The following LAMA2 variants were observed in gnomAD, a reference collection of about 807,000 sequenced individuals.
The protein encoded by LAMA2 is laminin subunit alpha 2.
A neutral mutation model predicts 364.8 loss-of-function variants in LAMA2; 269 were observed. The ratio of observed to expected loss-of-function variants is 0.74; its 90% confidence interval spans 0.67 to 0.82. LAMA2 has a LOEUF of 0.82. LAMA2 is among the 40% of genes least tolerant of loss of function. LAMA2 has a pLI of 0.00. For missense variants in LAMA2, 3,807 were observed against 3,873.2 expected (o/e 0.98, Z 0.45); for synonymous variants, 1,379 against 1,370.6 (o/e 1.01, Z -0.14).
intron 2 of LAMA2, among the ~76,000 whole-genome samples, chr6:129,052,987 A>G (rs1028829096): frequency 6.6e-6 from 1 of 152,202 alleles, no homozygotes; most frequent in Admixed American, 6.5e-5. Context: ...ATCACAGAAT[A>G]TCAGAAAACA....
At position 129,297,724 on chromosome 6, in the gene LAMA2, C is replaced by G; in HGVS notation, c.2896C>G (p.Pro966Ala). The G allele has an allele frequency of 6.2e-7, 1 of 1,614,080 alleles. No individual in the cohort carries two copies. Among genetic ancestry groups the G allele is most frequent in the Non-Finnish European group, 8.5e-7 (1 of 1,179,974 alleles). The stretch of plus-strand genomic sequence containing the variant: ...CCTACAATCAGCAAGGGGCTGTGTT[C>G]CCTGCAACTGCAATTCTTTTGGGTC... The part of the protein sequence containing the change: ...FGLQSARGCV[P>A]CNCNSFGSKS... Residue 966 changes from proline (P) to alanine (A), a missense_variant, in exon 21 of 65, where the codon CCC (proline) becomes GCC (alanine). Coordinates refer to ENST00000421865, the MANE Select transcript of LAMA2 (RefSeq NM_000426.4).
chr6:129,508,578 G>C (rs1786303984), intron 62 of LAMA2, among the ~76,000 whole-genome samples: 1 of 152,010 alleles, frequency 6.6e-6, no homozygotes, highest in Non-Finnish European at 1.5e-5. Context: ...GAGTTGAATT[G>C]CTTTAATTTT....
chr6:129,199,464 A>G (rs886515546), intron 12 of LAMA2, among the ~76,000 whole-genome samples: 21 of 152,286 alleles, frequency 1.4e-4, no homozygotes, highest in African/African-American at 4.8e-4. Flanking sequence ...AACGACTCCC[A>G]CTTAACATTG....
At chr6:129,070,491 A>G (rs1217531946) in intron 3 of LAMA2, among the ~76,000 whole-genome samples, 11 of 152,122 alleles carry the variant, frequency 7.2e-5, no homozygotes, top group Admixed American at 3.9e-4. Context: ...TAATATTTCT[A>G]TGGAGAAAGC....
intron 17 of LAMA2, among the ~76,000 whole-genome samples, chr6:129,274,709 G>T (rs1374184997): frequency 6.6e-6 from 1 of 151,812 alleles, no homozygotes; most frequent in East Asian, 1.9e-4. Flanking sequence ...ACTATGCTTG[G>T]CCTTCTCATC....
chr6:129,491,970 A>G lies in LAMA2; in HGVS notation c.7968A>G (p.Glu2656=). 1 of 1,614,012 alleles carries G rather than the reference A, an allele frequency of 6.2e-7. No homozygotes were observed. Among genetic ancestry groups the G allele is most frequent in the Non-Finnish European group, 8.5e-7 (1 of 1,179,884 alleles). The change falls in exon 57 of 65, where the codon GAA becomes GAG. Residue 2656 remains glutamate (E), a synonymous_variant. Coordinates refer to ENST00000421865, the MANE Select transcript of LAMA2 (RefSeq NM_000426.4). ...MQNLTVEQPI[E]VKKLFVGGAP... Reference sequence around the variant, plus strand: ...ACCTGACAGTTGAACAGCCTATCGAAGTTAAAAAGCTTTTCGTTGGGGGTG... The same window carrying G: ...ACCTGACAGTTGAACAGCCTATCGAGGTTAAAAAGCTTTTCGTTGGGGGTG...
chr6:129,513,399 A>G (rs1786760171), intron 63 of LAMA2, among the ~76,000 whole-genome samples: 4 of 152,186 alleles, frequency 2.6e-5, no homozygotes, highest in Admixed American at 1.3e-4. Flanking sequence ...TTTTCAAGTA[A>G]CATGCTCTTA....
intron 18 of LAMA2, among the ~76,000 whole-genome samples, chr6:129,282,160 T>C (rs909773801): frequency 1.3e-5 from 2 of 152,208 alleles, no homozygotes; most frequent in Non-Finnish European, 2.9e-5. Flanking sequence ...TAAAGAATTC[T>C]GTGATCACAT....
At chr6:129,025,979 C>T (rs527317910) in intron 1 of LAMA2, among the ~76,000 whole-genome samples, 2 of 152,254 alleles carry the variant, frequency 1.3e-5, no homozygotes, top group East Asian at 3.9e-4. Flanking sequence ...TGCAAGGTTT[C>T]ACGAATCAGG....
chr6:129,258,476 C>G (rs1239740075), intron 14 of LAMA2, among the ~76,000 whole-genome samples: 1 of 151,680 alleles, frequency 6.6e-6, no homozygotes, highest in African/African-American at 2.4e-5. Flanking sequence ...TTCATAGCAA[C>G]AAAAGCAGAT....
chr6:129,114,127 T>C (rs1417958452), intron 4 of LAMA2, among the ~76,000 whole-genome samples: 22 of 151,940 alleles, frequency 1.4e-4, no homozygotes, highest in Admixed American at 1.4e-3. Context: ...ACTCCAAAAT[T>C]GGATGCAGAT....
chr6:129,184,672 G>A (rs1411174289), intron 10 of LAMA2, among the ~76,000 whole-genome samples: 4 of 151,722 alleles, frequency 2.6e-5, no homozygotes, highest in Non-Finnish European at 4.4e-5. Context: ...ATCCTTGCTC[G>A]TGGCTATAAA....
chr6:129,185,127 AT>A (rs1781155083), intron 10 of LAMA2, among the ~76,000 whole-genome samples: 1 of 151,948 alleles, frequency 6.6e-6, no homozygotes, highest in Admixed American at 6.6e-5. Context: ...CACAAAAAAA[AT>A]AACTTAAATG....
chr6:129,087,590 T>C (rs1774455317), intron 3 of LAMA2, among the ~76,000 whole-genome samples: 1 of 152,170 alleles, frequency 6.6e-6, no homozygotes, highest in Admixed American at 6.5e-5. Context: ...AGATATTACT[T>C]TTCCAAAGAA....
chr6:129,132,157 C>A (rs1777518355), intron 4 of LAMA2, among the ~76,000 whole-genome samples: 1 of 151,210 alleles, frequency 6.6e-6, no homozygotes, highest in African/African-American at 2.4e-5. Flanking sequence ...AGAAAGAACT[C>A]TGACCTTACT....
At chr6:129,347,444 C>T (rs371033875) in intron 30 of LAMA2, among the ~76,000 whole-genome samples, 3 of 152,124 alleles carry the variant, frequency 2.0e-5, no homozygotes, top group South Asian at 2.1e-4. Context: ...TTGTGAAGCA[C>T]GTTAAGAGAT....
intron 1 of LAMA2, among the ~76,000 whole-genome samples, chr6:128,932,428 T>C (rs1779539063): frequency 6.6e-6 from 1 of 152,200 alleles, no homozygotes; most frequent in Non-Finnish European, 1.5e-5. Flanking sequence ...ATGCCAGATA[T>C]GGGATATAAT....
intron 1 of LAMA2, among the ~76,000 whole-genome samples, chr6:128,969,215 T>C (rs1191147699): frequency 6.6e-6 from 1 of 152,154 alleles, no homozygotes; most frequent in Non-Finnish European, 1.5e-5. Context: ...TTCTTTTACC[T>C]CTTTTTTGGT....
At chr6:129,383,778 C>T (rs1778828023) in intron 35 of LAMA2, among the ~76,000 whole-genome samples, 1 of 152,084 alleles carries the variant, frequency 6.6e-6, no homozygotes, top group Non-Finnish European at 1.5e-5. Context: ...AAGTGGAAGC[C>T]ATTTTTTGGC....
Sources: gnomAD v4.1 joint callset for allele counts (sites outside exome capture counted in the v4.1 genomes callset) on GRCh38, gnomAD v4.1.1 for gene constraint, MANE v1.5 for transcripts, NCBI Gene and HGNC (gene_info 2026-07-23, HGNC 2026-07-21) for gene names.